Variants in UGT8 observed in about 807,000 individuals in gnomAD.
UGT8 encodes the protein UDP glycosyltransferase 8, also known as 2-hydroxyacylsphingosine 1-beta-galactosyltransferase.
Under a neutral mutation model 40.5 loss-of-function variants are expected in UGT8, and 12 were observed. That is an observed-to-expected ratio of 0.30 (90% confidence interval 0.19 to 0.48). The LOEUF (loss-of-function observed/expected upper bound fraction) is 0.48. Ranked by LOEUF, UGT8 falls within the 20% of genes least tolerant of loss-of-function variation. The probability of loss-of-function intolerance (pLI) is 0.99; values close to 1 mark genes in which losing one functional copy is unlikely to be tolerated. For synonymous variants in UGT8, 224 were observed against 240.4 expected, an observed-to-expected ratio of 0.93 and a Z score of 0.63; for missense variants, 513 against 648.7, an observed-to-expected ratio of 0.79 and a Z score of 2.27.
At chr4:114,665,534 G>T in intron 3 of UGT8, 146 bp from the exon 4 acceptor site, 2 of 1,299,398 alleles carry the variant, frequency 1.5e-6, no homozygotes, top group East Asian at 2.9e-5. Flanking sequence ...TCAAATATTT[G>T]CTGTTACCAA....
rs1354921067 is a variant in UGT8, at chr4:114,677,892, CT to C, written c.*1605del. On this transcript the variant is annotated 3_prime_UTR_variant, in exon 6 of 6. Transcript: ENST00000310836. ...CATTACTCTCCCACCAGGAGCTGCT[CT>C]CCTGCACTTAGAAATAATGTCACAA... The C allele has an allele frequency of 6.6e-6, 1 of 152,228 alleles. No individual in the cohort carries two copies. The highest frequency in any genetic ancestry group is 1.5e-5 in the Non-Finnish European group (1 of 68,054). 9.4% of individuals were successfully genotyped at this position (152,228 alleles called of 1,614,324 possible).
chr4:114,619,668 T>C (rs914495927), intron 1 of UGT8: 58 of 151,962 alleles, frequency 3.8e-4, no homozygotes, highest in African/African-American at 1.4e-3. Flanking sequence ...ATTTTTCTAG[T>C]GGCTGCATTA....
At chr4:114,673,031 G>A (rs1449096139) in intron 5 of UGT8, among the ~76,000 whole-genome samples, 1 of 152,088 alleles carries the variant, frequency 6.6e-6, no homozygotes, top group East Asian at 1.9e-4. Flanking sequence ...CCAACCTGTG[G>A]TCAACTTTTA....
intron 4 of UGT8, among the ~76,000 whole-genome samples, chr4:114,666,326 T>A (rs1015648385): frequency 2.0e-5 from 3 of 152,180 alleles, no homozygotes; most frequent in Non-Finnish European, 4.4e-5. Context: ...TCTTGGGGAT[T>A]TTGATTCTCA....
At chr4:114,617,400 G>T (rs1731509552) in intron 1 of UGT8, among the ~76,000 whole-genome samples, 1 of 152,178 alleles carries the variant, frequency 6.6e-6, no homozygotes, top group African/African-American at 2.4e-5. Flanking sequence ...CTTCCCTGTG[G>T]TGAGTGGTAG....
At chr4:114,664,587 TTA>T (rs772542411) in intron 3 of UGT8, among the ~76,000 whole-genome samples, 2 of 152,190 alleles carry the variant, frequency 1.3e-5, no homozygotes, top group Non-Finnish European at 2.9e-5. Context: ...CTCCTTTACA[TTA>T]TGTTTTTGAT....
chr4:114,667,479 G>T (rs2126135071), intron 4 of UGT8, among the ~76,000 whole-genome samples: 1 of 152,198 alleles, frequency 6.6e-6, no homozygotes, highest in South Asian at 2.1e-4. Context: ...GTTATGTGAT[G>T]TCTCATGTCT....
intron 2 of UGT8, among the ~76,000 whole-genome samples, chr4:114,633,717 G>C (rs1171346621): frequency 6.6e-6 from 1 of 152,202 alleles, no homozygotes; most frequent in African/African-American, 2.4e-5. Context: ...AAGCCAAAGT[G>C]GGCAGATCAA....
chr4:114,598,751 C>A (rs1247798649), upstream of UGT8: 1 of 151,996 alleles, frequency 6.6e-6, no homozygotes, highest in Non-Finnish European at 1.5e-5. Flanking sequence ...GACGAGCAGG[C>A]GCGCTGAGGA....
chr4:114,671,411 C>T (rs1335032733), intron 5 of UGT8, among the ~76,000 whole-genome samples: 1 of 152,190 alleles, frequency 6.6e-6, no homozygotes, highest in African/African-American at 2.4e-5. Context: ...CATTACGCTA[C>T]CTGACTTCAA....
chr4:114,629,753 G>A (rs1053789063), intron 2 of UGT8, among the ~76,000 whole-genome samples: 7 of 152,182 alleles, frequency 4.6e-5, no homozygotes, highest in Middle Eastern at 3.4e-3. Context: ...AGCATTATGG[G>A]CTTACAAGGA....
At chr4:114,667,178 G>A (rs1178880688) in intron 4 of UGT8, among the ~76,000 whole-genome samples, 1 of 152,146 alleles carries the variant, frequency 6.6e-6, no homozygotes, top group African/African-American at 2.4e-5. Context: ...TCTTCAGAAT[G>A]GAAGAGCTCT....
chr4:114,626,380 T>A (rs2126101448), intron 2 of UGT8, among the ~76,000 whole-genome samples: 1 of 152,290 alleles, frequency 6.6e-6, no homozygotes, highest in Non-Finnish European at 1.5e-5. Flanking sequence ...GCAGCTTAAT[T>A]GTTAATTGCC....
chr4:114,639,780 A>G (rs1432186353), intron 2 of UGT8, among the ~76,000 whole-genome samples: 1 of 152,224 alleles, frequency 6.6e-6, no homozygotes, highest in Non-Finnish European at 1.5e-5. Flanking sequence ...AACAAAATAA[A>G]TTGTGTTAAG....
chr4:114,619,738 C>T (rs370286960), intron 1 of UGT8, among the ~76,000 whole-genome samples: 1 of 151,798 alleles, frequency 6.6e-6, no homozygotes, highest in South Asian at 2.1e-4. Context: ...AACATAACTT[C>T]AAGATTTGCA....
intron 2 of UGT8, 181 bp from the exon 3 acceptor site, chr4:114,663,814 A>G (rs1734694319): frequency 1.0e-6 from 1 of 985,110 alleles, no homozygotes; most frequent in Non-Finnish European, 1.2e-6. Context: ...CATTTCAGTT[A>G]GCATTATCAG....
At chr4:114,661,426 C>T (rs892468726) in intron 2 of UGT8, among the ~76,000 whole-genome samples, 5 of 152,102 alleles carry the variant, frequency 3.3e-5, no homozygotes, top group Admixed American at 6.6e-5. Flanking sequence ...TGAGGGCCTC[C>T]CAAACCACTG....
intron 2 of UGT8, among the ~76,000 whole-genome samples, chr4:114,648,250 G>A (rs1733695492): frequency 6.6e-6 from 1 of 152,094 alleles, no homozygotes; most frequent in African/African-American, 2.4e-5. Context: ...AAGCATATGA[G>A]AAATGAGCAG....
chr4:114,598,740 G>C (rs543608893), upstream of UGT8: 2 of 152,272 alleles, frequency 1.3e-5, no homozygotes, highest in East Asian at 2.0e-4. Flanking sequence ...TGGGAGCTGC[G>C]GACGAGCAGG....
Sources: allele counts gnomAD v4.1 joint callset (sites outside exome capture counted in the v4.1 genomes callset), GRCh38; gene constraint gnomAD v4.1.1; transcripts MANE v1.5; gene names NCBI Gene and HGNC (gene_info 2026-07-23, HGNC 2026-07-21).